MYO3B: variants seen among roughly 807,000 people sequenced by gnomAD.
MYO3B encodes myosin-IIIb.
A neutral mutation model predicts 174.6 loss-of-function variants in MYO3B; 156 were observed. The ratio of observed to expected loss-of-function variants is 0.89; its 90% CI spans 0.78 to 1.02. The LOEUF (loss-of-function observed/expected upper bound fraction) is 1.02. MYO3B is among the 50% of genes least tolerant of loss of function. MYO3B has a pLI of 0.00. For missense variants in MYO3B, 1,632 were observed against 1,639.4 expected (o/e 1.00, Z 0.08); for synonymous variants, 563 against 569.1 (o/e 0.99, Z 0.15).
At chr2:170,381,978 G>A in intron 9 of MYO3B, 38 bp from the exon 10 acceptor site, 1 of 1,533,980 alleles carries the variant, frequency 6.5e-7, no homozygotes. Flanking sequence ...TACATTATTT[G>A]CTGTCTTAAT....
chr2:170,453,310 A>G (rs544756542), intron 23 of MYO3B, among the ~76,000 whole-genome samples: 2 of 152,062 alleles, frequency 1.3e-5, no homozygotes, highest in Non-Finnish European at 2.9e-5. Flanking sequence ...TGCACAAAGT[A>G]CACCAGATTT....
At chr2:170,506,858 A>G (rs1271950680) in intron 28 of MYO3B, among the ~76,000 whole-genome samples, 1 of 152,248 alleles carries the variant, frequency 6.6e-6, no homozygotes. Context: ...GACTGTAAGT[A>G]AATGCACCAT....
chr2:170,244,669 A>G (rs1422335922), intron 7 of MYO3B, among the ~76,000 whole-genome samples: 1 of 152,204 alleles, frequency 6.6e-6, no homozygotes. Context: ...TGGGATAATT[A>G]CTAAAATTTT....
chr2:170,260,734 T>C (rs2093339458), intron 7 of MYO3B, among the ~76,000 whole-genome samples: 1 of 152,216 alleles, frequency 6.6e-6, no homozygotes, highest in African/African-American at 2.4e-5. Context: ...AAGAATTCAG[T>C]TGAGAAAAAG....
chr2:170,467,814 G>T (rs1391530734), intron 25 of MYO3B, among the ~76,000 whole-genome samples: 1 of 48,384 alleles, frequency 2.1e-5, no homozygotes, highest in Non-Finnish European at 5.2e-5. Context: ...AAAAGATAAG[G>T]CAAAAAAAAA....
At chr2:170,313,242 C>G (rs747459375) in intron 7 of MYO3B, among the ~76,000 whole-genome samples, 4 of 152,140 alleles carry the variant, frequency 2.6e-5, no homozygotes, top group Non-Finnish European at 5.9e-5. Context: ...CGTTTTCCCC[C>G]TCTGTAAAAT....
intron 1 of MYO3B, among the ~76,000 whole-genome samples, chr2:170,180,417 T>A (rs2092383880): frequency 6.6e-6 from 1 of 152,184 alleles, no homozygotes; most frequent in Non-Finnish European, 1.5e-5. Flanking sequence ...ACCCACTCAC[T>A]AATCCTCTTT....
At chr2:170,568,945 G>C (rs191193978) in intron 32 of MYO3B, among the ~76,000 whole-genome samples, 543 of 152,262 alleles carry the variant, frequency 3.6e-3, no homozygotes, top group African/African-American at 0.012. Context: ...TTGGTGACAT[G>C]TGTGTCCTAT....
Position 170,499,774 on chromosome 2 carries a change from G to A in MYO3B, c.3255G>A (p.Glu1085=). ...CCAGGAGATACAAAAGGGTCAGAGA[G>A]AAGAGAGAGAAGGGAGCCATTGCCA... The part of the protein sequence containing the change: ...LGARRYKRVR[E]KREKGAIAIQ... The change falls in exon 27 of 35, where the codon GAG becomes GAA. Residue 1085 remains glutamate, a synonymous_variant. Transcript: ENST00000408978. 1 of 1,613,656 alleles carries A rather than the reference G, an allele frequency of 6.2e-7. No individual in the cohort carries two copies.
chr2:170,266,912 A>G (rs1214062010), intron 7 of MYO3B, among the ~76,000 whole-genome samples: 1 of 152,214 alleles, frequency 6.6e-6, no homozygotes, highest in Admixed American at 6.5e-5. Context: ...TATAGATTTT[A>G]TTGTTTTGAA....
intron 32 of MYO3B, among the ~76,000 whole-genome samples, chr2:170,623,875 G>A (rs553866366): frequency 3.3e-5 from 5 of 152,250 alleles, no homozygotes; most frequent in Admixed American, 1.3e-4. Context: ...TCAAAGATCA[G>A]GTAGTGTAGA....
At chr2:170,504,963 G>A (rs899098845) in intron 28 of MYO3B, among the ~76,000 whole-genome samples, 1 of 152,136 alleles carries the variant, frequency 6.6e-6, no homozygotes, top group African/African-American at 2.4e-5. Context: ...TTGCCTGTCA[G>A]TCTTTGAGGT....
chr2:170,506,178 T>C (rs1687610739), intron 28 of MYO3B, among the ~76,000 whole-genome samples: 1 of 152,228 alleles, frequency 6.6e-6, no homozygotes, highest in African/African-American at 2.4e-5. Context: ...CATCATGTGA[T>C]GCATGCAGAG....
At chr2:170,594,493 A>G (rs960337248) in intron 32 of MYO3B, among the ~76,000 whole-genome samples, 2 of 152,172 alleles carry the variant, frequency 1.3e-5, no homozygotes, top group East Asian at 3.8e-4. Flanking sequence ...GGGTAAACAC[A>G]TTTGCAGTGG....
At position 170,275,471 on chromosome 2, in the gene MYO3B, T is replaced by C. The variant is rs17606673; in HGVS notation, c.749+39335T>C. Among the ~76,000 whole-genome samples, 180 of 152,306 alleles carry C rather than the reference T, an allele frequency of 1.2e-3. 2 individuals carry two copies. In the East Asian group the frequency reaches 0.026, roughly 22 times the overall value. On this transcript the variant is annotated intron_variant, in intron 7 of 34. Coordinates refer to ENST00000408978, the MANE Select transcript of MYO3B (RefSeq NM_138995.5). ...GTTACTGTTACTATGACATTTTTCATGTGTACTATGTCCTAAAAACACTGT... is the reference window on the plus strand; with the variant it reads ...GTTACTGTTACTATGACATTTTTCACGTGTACTATGTCCTAAAAACACTGT...
chr2:170,187,645 G>A (rs375949038), intron 1 of MYO3B, among the ~76,000 whole-genome samples: 9 of 152,040 alleles, frequency 5.9e-5, no homozygotes, highest in African/African-American at 1.7e-4. Flanking sequence ...TCACTGTATC[G>A]TGTAGGTTTT....
intron 25 of MYO3B, among the ~76,000 whole-genome samples, chr2:170,478,348 C>T (rs13005355): frequency 0.4 from 60,639 of 151,872 alleles, 13,756 homozygotes; most frequent in Non-Finnish European, 0.49. Flanking sequence ...TTAAAGAATA[C>T]GGGATGAATG....
intron 32 of MYO3B, among the ~76,000 whole-genome samples, chr2:170,557,071 GT>G (rs201210337): frequency 1.3e-5 from 2 of 149,822 alleles, no homozygotes; most frequent in Admixed American, 6.6e-5. Context: ...TTAGATACGT[GT>G]TTTTTTTTGT....
intron 30 of MYO3B, among the ~76,000 whole-genome samples, chr2:170,528,344 C>A (rs1329841443): frequency 6.6e-6 from 1 of 152,212 alleles, no homozygotes; most frequent in Non-Finnish European, 1.5e-5. Flanking sequence ...TGTTAGAATG[C>A]ATGTTTGACT....
Sources: allele counts gnomAD v4.1 joint callset (sites outside exome capture counted in the v4.1 genomes callset), GRCh38; gene constraint gnomAD v4.1.1; transcripts MANE v1.5; gene names NCBI Gene and HGNC (gene_info 2026-07-23, HGNC 2026-07-21).